SERPINB4: variants seen among roughly 807,000 people sequenced by gnomAD.
SERPINB4 encodes the protein serpin family B member 4.
Under a neutral mutation model 33.2 loss-of-function variants are expected in SERPINB4, and 39 were observed. The observed-to-expected ratio is 1.18, with a 90% CI of 0.91 to 1.53. SERPINB4 has a LOEUF of 1.53. Ranked by LOEUF, SERPINB4 falls within the 40% of genes most tolerant of loss-of-function variation. The pLI is 0.00. For synonymous variants in SERPINB4, 191 were observed against 166.4 expected (o/e 1.15, Z -1.14); for missense variants, 564 against 455.4 (o/e 1.24, Z -2.17).
rs754585883 is a variant in SERPINB4 at position 63,639,737 on chromosome 18, T to A, written c.509A>T (p.Asn170Ile). The change falls in exon 6 of 8, where the codon AAT (asparagine) becomes ATT (isoleucine). Residue 170 changes from asparagine (N) to isoleucine (I), a missense_variant. Transcript: ENST00000341074. Reference protein sequence around the residue: ...KNLFPDGTIGNDTTLVLVNAI... With the variant: ...KNLFPDGTIGIDTTLVLVNAI... ...GTTCACAAGAACCAGTGTCGTATCA[T>A]TGCCAATAGTCCCATCAGGAAATAG... 2 of 1,611,904 alleles carry A rather than the reference T, an allele frequency of 1.2e-6. No individual in the cohort carries two copies. Among genetic ancestry groups the A allele is most frequent in the East Asian group, 2.2e-5 (1 of 44,820 alleles).
At chr18:63,639,848 G>T in intron 5 of SERPINB4, 72 bp from the exon 6 acceptor site, 1 of 1,367,734 alleles carries the variant, frequency 7.3e-7, no homozygotes, top group African/African-American at 1.5e-5. Context: ...CTTTGCAAAT[G>T]TTCGTGACTG....
Position 63,641,820 on chromosome 18 carries a change from A to T in SERPINB4, c.291T>A (p.Asp97Glu). The stretch of plus-strand genomic sequence containing the variant: ...TGTTGGCGATCTTCAGCTCATATGC[A>T]TCAGTGGATTTGTTGAATTCAGTCA... ...KLLTEFNKST[D>E]AYELKIANKL... Residue 97 changes from aspartate to glutamate, a missense_variant, in exon 4 of 8, where the codon GAT (aspartate) becomes GAA (glutamate). Physicochemically the swap from Asp to Glu is conservative, Grantham distance 45. Coordinates refer to ENST00000341074, the MANE Select transcript of SERPINB4 (RefSeq NM_002974.4). 6.2e-7 allele frequency: 1 copy of T among 1,613,504 alleles called. No homozygotes were observed. The highest frequency in any genetic ancestry group is 8.5e-7 in the Non-Finnish European group (1 of 1,179,582).
chr18:63,643,530 G>C lies in SERPINB4; in HGVS notation c.48C>G (p.Phe16Leu). Residue 16 changes from phenylalanine (F) to leucine (L), a missense_variant, in exon 2 of 8, where the codon TTC becomes TTG. Transcript: ENST00000341074. Reference protein sequence around the residue: ...EANTKFMFDLFQQFRKSKENN... With the variant: ...EANTKFMFDLLQQFRKSKENN... Reference sequence around the variant, plus strand: ...TCTCTTTTGATTTTCTGAACTGTTGGAACAGATCGAACATGAACTTGGTGT... The same window carrying C: ...TCTCTTTTGATTTTCTGAACTGTTGCAACAGATCGAACATGAACTTGGTGT... The C allele has an allele frequency of 3.1e-6, 5 of 1,613,654 alleles. No individual in the cohort carries two copies. Among genetic ancestry groups the C allele is most frequent in the Non-Finnish European group, 4.2e-6 (5 of 1,179,692 alleles).
chr18:63,639,356 G>A lies in SERPINB4; in HGVS notation c.613-16C>T. ...TGTATGTATTCTGCAATAAATCAATGTGTCCAACAAATAACACGTGAAACA... is the reference window on the plus strand; with the variant it reads ...TGTATGTATTCTGCAATAAATCAATATGTCCAACAAATAACACGTGAAACA... On this transcript the variant is annotated splice_polypyrimidine_tract_variant and intron_variant, in intron 6 of 7. Transcript: ENST00000341074. 1 of 1,591,642 alleles carries A rather than the reference G, an allele frequency of 6.3e-7. No homozygotes were observed. The highest frequency in any genetic ancestry group is 8.6e-7 in the Non-Finnish European group (1 of 1,164,580).
Position 63,643,519 on chromosome 18 carries a change from C to T in SERPINB4, c.59G>A (p.Arg20Lys). The change falls in exon 2 of 8, where the codon AGA (arginine) becomes AAA (lysine). Residue 20 changes from arginine (R) to lysine (K), a missense_variant. By Grantham distance (26) the Arg-to-Lys change is conservative (BLOSUM62 2). Coordinates refer to ENST00000341074, the MANE Select transcript of SERPINB4 (RefSeq NM_002974.4). ...GAAGATGTTGTTCTCTTTTGATTTTCTGAACTGTTGGAACAGATCGAACAT... is the reference window on the plus strand; with the variant it reads ...GAAGATGTTGTTCTCTTTTGATTTTTTGAACTGTTGGAACAGATCGAACAT... ...KFMFDLFQQF[R>K]KSKENNIFYS... 1 of 1,613,718 alleles carries T rather than the reference C, an allele frequency of 6.2e-7. No individual in the cohort carries two copies. The highest frequency in any genetic ancestry group is 1.1e-5 in the South Asian group (1 of 91,076).
intron 6 of SERPINB4, 27 bp downstream of exon 6, chr18:63,639,607 A>G (rs1913056167): frequency 7.2e-7 from 1 of 1,389,694 alleles, no homozygotes; most frequent in East Asian, 2.3e-5. Context: ...AACATATTAC[A>G]CTATATAAAT....
intron 6 of SERPINB4, 135 bp downstream of exon 6, chr18:63,639,499 G>T (rs1421222662): frequency 3.0e-6 from 3 of 1,007,992 alleles, no homozygotes; most frequent in Non-Finnish European, 1.4e-6. Flanking sequence ...ACTAAATAAA[G>T]TTATAAGAGT....
intron 4 of SERPINB4, among the ~76,000 whole-genome samples, chr18:63,641,476 C>G (rs1333580457): frequency 6.6e-6 from 1 of 152,072 alleles, no homozygotes; most frequent in African/African-American, 2.4e-5. Context: ...TGAGTCAGTG[C>G]CAGTTTATCG....
chr18:63,638,137 A>G lies in SERPINB4; in HGVS notation c.769-14T>C. 1 of 1,607,502 alleles carries G rather than the reference A, an allele frequency of 6.2e-7. No individual in the cohort carries two copies. The highest frequency in any genetic ancestry group is 8.5e-7 in the Non-Finnish European group (1 of 1,176,520). ...TTTCTCTTCAAGCTATACAAATGGA[A>G]AAAAGAAACTGATATGACTAACTGT... On this transcript the variant is annotated splice_polypyrimidine_tract_variant and intron_variant, in intron 7 of 7. Transcript: ENST00000341074.
chr18:63,641,119 T>C, intron 4 of SERPINB4, 128 bp from the exon 5 acceptor site: 1 of 731,702 alleles, frequency 1.4e-6, no homozygotes, highest in Non-Finnish European at 2.3e-6. Flanking sequence ...CTCCTGTCCA[T>C]GGATATTTTT....
At position 63,641,772 on chromosome 18, in the gene SERPINB4, A is replaced by G. The variant is rs1461442106; in HGVS notation, c.339T>C (p.Tyr113=). 6.2e-6 allele frequency: 10 copies of G among 1,613,204 alleles called. No homozygotes were observed. The African/African-American group carries it at 8.0e-5, about 13-fold the overall frequency. ...CAGGTGAAATTACCTGTAAAAATTG[A>G]TACGTCTTTTCTCCGAAGAGCTTGT... ...IANKLFGEKT[Y]QFLQEYLDAI... The change falls in exon 4 of 8, where the codon TAT becomes TAC. Residue 113 remains tyrosine, a synonymous_variant. Transcript: ENST00000341074.
rs140805883 is a variant in SERPINB4 at position 63,639,199 on chromosome 18, C to G, written c.754G>C (p.Asp252His). The G allele has an allele frequency of 6.2e-7, 1 of 1,607,924 alleles. No individual in the cohort carries two copies. Among genetic ancestry groups the G allele is most frequent in the South Asian group, 1.1e-5 (1 of 90,276 alleles). ...CAAGTTCTTACCTTCTGCAGACCATCGATTTCATTTGGCAGCAGCACAATC... is the reference window on the plus strand; with the variant it reads ...CAAGTTCTTACCTTCTGCAGACCATGGATTTCATTTGGCAGCAGCACAATC... The part of the protein sequence containing the change: ...SMIVLLPNEI[D>H]GLQKLEEKLT... Residue 252 changes from aspartate to histidine, a missense_variant, in exon 7 of 8, where the codon GAT becomes CAT. Coordinates refer to ENST00000341074, the MANE Select transcript of SERPINB4 (RefSeq NM_002974.4).
In SERPINB4 at chr18:63,639,725, AG is replaced by A. The variant is rs554627371; in HGVS notation, c.520del (p.Leu174TrpfsTer4). 1,888 of 1,611,878 alleles carry A rather than the reference AG, an allele frequency of 1.2e-3. 2 individuals are homozygous for A. The highest frequency in any genetic ancestry group is 3.8e-3 in the Admixed American group (228 of 59,876). On this transcript the variant is annotated frameshift_variant, in exon 6 of 8. Transcript: ENST00000341074. LOFTEE classifies it high-confidence loss of function. The part of the protein sequence containing the change: ...PDGTIGNDTT[L>X]VLVNAIYFKG... ...GAAATAGATTGCGTTCACAAGAACC[AG>A]TGTCGTATCATTGCCAATAGTCCCA...
chr18:63,641,147 G>A (rs1039463889), intron 4 of SERPINB4, among the ~76,000 whole-genome samples, 156 bp from the exon 5 acceptor site: 3 of 152,022 alleles, frequency 2.0e-5, no homozygotes, highest in Admixed American at 2.0e-4. Context: ...TGTCATGTAG[G>A]CAATGCAAAA....
chr18:63,642,025 G>T, intron 3 of SERPINB4, 137 bp from the exon 4 acceptor site: 2 of 1,304,706 alleles, frequency 1.5e-6, no homozygotes, highest in Non-Finnish European at 2.1e-6. Context: ...GATAATTGGT[G>T]TATTTCACCT....
Position 63,637,875 on chromosome 18 carries a change from C to G in SERPINB4, c.1017G>C (p.Glu339Asp). 2 of 1,613,542 alleles carry G rather than the reference C, an allele frequency of 1.2e-6. No individual in the cohort carries two copies. The highest frequency in any genetic ancestry group is 8.5e-7 in the Non-Finnish European group (1 of 1,179,730). The change falls in exon 8 of 8, where the codon GAG (glutamate) becomes GAC (aspartate). Residue 339 changes from glutamate to aspartate, a missense_variant. Glu to Asp is a conservative substitution (Grantham distance 45). Coordinates refer to ENST00000341074, the MANE Select transcript of SERPINB4 (RefSeq NM_002974.4). ...CGGTGGCAGCTGCAGCTTCCACTCCCTCCTCAGTGACCTCCACAAAGGCCT... is the reference window on the plus strand; with the variant it reads ...CGGTGGCAGCTGCAGCTTCCACTCCGTCCTCAGTGACCTCCACAAAGGCCT... ...LHKAFVEVTE[E>D]GVEAAAATAV...
chr18:63,643,453 A>T lies in SERPINB4; in HGVS notation c.125T>A (p.Leu42His). 1 of 1,613,778 alleles carries T rather than the reference A, an allele frequency of 6.2e-7. No homozygotes were observed. The highest frequency in any genetic ancestry group is 1.7e-5 in the Admixed American group (1 of 59,986). ...ISITSALGMVLLGAKDNTAQQ... is the reference protein window; with the variant it reads ...ISITSALGMVHLGAKDNTAQQ... ...TGCAGTGTTGTCTTTGGCTCCTAAGAGGACCATCCCTAATGCTGATGTGAT... is the reference window on the plus strand; with the variant it reads ...TGCAGTGTTGTCTTTGGCTCCTAAGTGGACCATCCCTAATGCTGATGTGAT... Residue 42 changes from leucine to histidine, a missense_variant, in exon 2 of 8, where the codon CTC becomes CAC. Leu to His is a moderately conservative substitution (Grantham distance 99, BLOSUM62 -3). Transcript: ENST00000341074.
At chr18:63,643,013 A>G in intron 3 of SERPINB4, 148 bp downstream of exon 3, 3 of 887,708 alleles carry the variant, frequency 3.4e-6, no homozygotes, top group Non-Finnish European at 5.3e-6. Flanking sequence ...ATTATGTGCC[A>G]TGAAATGCCA....
intron 4 of SERPINB4, 103 bp downstream of exon 4, chr18:63,641,657 C>A: frequency 1.3e-6 from 2 of 1,576,030 alleles, no homozygotes; most frequent in Admixed American, 3.3e-5. Context: ...ATGCTCTCCA[C>A]CTGAGTCGGC....
Sources: gnomAD v4.1 joint callset for allele counts (sites outside exome capture counted in the v4.1 genomes callset) on GRCh38, gnomAD v4.1.1 for gene constraint, MANE v1.5 for transcripts, NCBI Gene and HGNC (gene_info 2026-07-23, HGNC 2026-07-21) for gene names.